STAG1: variants seen among roughly 807,000 people sequenced by gnomAD.
STAG1 encodes STAG1 cohesin complex component, also known as cohesin subunit SA-1.
STAG1 carries 26 observed loss-of-function variants against 170.9 expected under a neutral mutation model. That is an observed-to-expected ratio of 0.15 (90% CI 0.11 to 0.21). The LOEUF (loss-of-function observed/expected upper bound fraction) is 0.21, where lower values mean the gene tolerates loss of function less well. Ranked by LOEUF, STAG1 falls within the 10% of genes least tolerant of loss-of-function variation. STAG1 has a pLI of 1.00. For missense variants in STAG1, 964 were observed against 1,509.5 expected (o/e 0.64, Z 5.99); for synonymous variants, 514 against 497.7 (o/e 1.03, Z -0.44).
At chr3:136,709,915 AT>A (rs1330090656) in intron 1 of STAG1, among the ~76,000 whole-genome samples, 1 of 151,982 alleles carries the variant, frequency 6.6e-6, no homozygotes, top group African/African-American at 2.4e-5. Context: ...CACACCTGTA[AT>A]CCCAGCTACT....
intron 1 of STAG1, among the ~76,000 whole-genome samples, chr3:136,667,316 G>A (rs1941818660): frequency 6.6e-6 from 1 of 152,114 alleles, no homozygotes; most frequent in African/African-American, 2.4e-5. Context: ...GGGTGGCAGA[G>A]GCAGGAGGAT....
At chr3:136,490,014 G>C (rs1409607602) in intron 9 of STAG1, among the ~76,000 whole-genome samples, 2 of 152,072 alleles carry the variant, frequency 1.3e-5, no homozygotes, top group Non-Finnish European at 2.9e-5. Context: ...AGGCTTACTA[G>C]AGTTATTTAA....
At chr3:136,703,106 T>C (rs942414754) in intron 1 of STAG1, among the ~76,000 whole-genome samples, 33 of 145,436 alleles carry the variant, frequency 2.3e-4, no homozygotes, top group South Asian at 4.4e-4. Flanking sequence ...TGAGGTGACA[T>C]CATGGAAGAT....
chr3:136,501,340 T>TAGTA (rs1316865886), intron 8 of STAG1, among the ~76,000 whole-genome samples: 1 of 152,230 alleles, frequency 6.6e-6, no homozygotes, highest in African/African-American at 2.4e-5. Flanking sequence ...TTCTAACCCC[T>TAGTA]AGTACCTCAG....
chr3:136,516,555 C>T (rs553617696), intron 7 of STAG1, among the ~76,000 whole-genome samples: 28 of 151,892 alleles, frequency 1.8e-4, no homozygotes, highest in African/African-American at 6.0e-4. Context: ...GCATGCTGTT[C>T]GTTTTCTTAA....
chr3:136,340,687 C>G, intron 31 of STAG1, 82 bp from the exon 32 acceptor site: 5 of 873,848 alleles, frequency 5.7e-6, no homozygotes, highest in Non-Finnish European at 1.9e-6. Flanking sequence ...TAAAGTTATT[C>G]TAACCAAGTG....
At chr3:136,451,251 T>A (rs186531486) in intron 14 of STAG1, among the ~76,000 whole-genome samples, 81 of 152,070 alleles carry the variant, frequency 5.3e-4, no homozygotes, top group African/African-American at 1.8e-3. Context: ...AAGTGTTAAT[T>A]ACAAAATTGT....
chr3:136,692,830 C>T (rs1176496579), intron 1 of STAG1, among the ~76,000 whole-genome samples: 1 of 152,080 alleles, frequency 6.6e-6, no homozygotes, highest in African/African-American at 2.4e-5. Context: ...ACTTGTAAGG[C>T]AGATTGGCTC....
chr3:136,604,204 A>C (rs1396623835), intron 4 of STAG1, 105 bp downstream of exon 4: 1 of 1,023,158 alleles, frequency 9.8e-7, no homozygotes, highest in Non-Finnish European at 1.4e-6. Flanking sequence ...AAGGTTGCTT[A>C]CATAATCAAC....
rs534901460 is a variant in STAG1, at chr3:136,494,469, G to A, written c.902+5754C>T. 3.3e-5 allele frequency among the ~76,000 whole-genome samples: 5 copies of A among 152,216 alleles called. No homozygotes were observed. In the South Asian group the frequency reaches 6.2e-4, roughly 19 times the overall value. ...CAGAGCAGGAAGAATAGTTCCCAGTGTATTCTATAAGGCTAGTATTGACAC... is the reference window on the plus strand; with the variant it reads ...CAGAGCAGGAAGAATAGTTCCCAGTATATTCTATAAGGCTAGTATTGACAC... On this transcript the variant is annotated intron_variant, in intron 9 of 33. Transcript: ENST00000383202.
chr3:136,470,838 A>G (rs1422189623), intron 12 of STAG1, among the ~76,000 whole-genome samples: 1 of 152,152 alleles, frequency 6.6e-6, no homozygotes, highest in Non-Finnish European at 1.5e-5. Context: ...TTGTAGGGAC[A>G]TGGATGAAGC....
At chr3:136,540,986 C>A (rs182806886) in intron 6 of STAG1, among the ~76,000 whole-genome samples, 3 of 151,736 alleles carry the variant, frequency 2.0e-5, no homozygotes, top group African/African-American at 4.8e-5. Context: ...CATTTTCATA[C>A]GTGAAGAGTT....
At chr3:136,698,248 CTG>C (rs1251550962) in intron 1 of STAG1, among the ~76,000 whole-genome samples, 1 of 152,080 alleles carries the variant, frequency 6.6e-6, no homozygotes, top group African/African-American at 2.4e-5. Context: ...TATTCACAAA[CTG>C]TGTGTCTGAC....
At chr3:136,608,003 T>A (rs1939048493) in intron 3 of STAG1, among the ~76,000 whole-genome samples, 2 of 152,096 alleles carry the variant, frequency 1.3e-5, no homozygotes, top group South Asian at 2.1e-4. Context: ...ACGCCTGTAA[T>A]CCCAGCACCT....
At chr3:136,456,614 C>T (rs2089119489) in intron 13 of STAG1, among the ~76,000 whole-genome samples, 1 of 152,070 alleles carries the variant, frequency 6.6e-6, no homozygotes. Flanking sequence ...CTGAAAATTC[C>T]CCAAATCTGG....
chr3:136,746,778 A>AC (rs1934954340), intron 1 of STAG1, among the ~76,000 whole-genome samples: 2 of 151,914 alleles, frequency 1.3e-5, no homozygotes, highest in African/African-American at 4.8e-5. Context: ...AGGTGCTGAA[A>AC]CCCCGTCTCT....
intron 5 of STAG1, among the ~76,000 whole-genome samples, chr3:136,547,673 C>T (rs2107733794): frequency 6.6e-6 from 1 of 152,288 alleles, no homozygotes; most frequent in East Asian, 1.9e-4. Flanking sequence ...GCAGAATTTT[C>T]TTCCTTTTTA....
intron 5 of STAG1, among the ~76,000 whole-genome samples, chr3:136,548,462 G>A (rs1329028561): frequency 6.6e-6 from 1 of 152,090 alleles, no homozygotes; most frequent in African/African-American, 2.4e-5. Flanking sequence ...GTTTGGAAGT[G>A]TGGTGCTTCC....
Position 136,357,447 on chromosome 3 carries a change from G to A in STAG1, c.3065+273C>T, listed in dbSNP as rs183029509. Among the ~76,000 whole-genome samples the A allele has an allele frequency of 3.9e-5, 6 of 152,216 alleles. No individual in the cohort carries two copies. The East Asian group carries it at 9.7e-4, about 24-fold the overall frequency. ...AGGAAAGAAGGAAGAGTTACACAAT[G>A]GCTAAACCAGTGTTTATACATCTTT... On this transcript the variant is annotated intron_variant, in intron 28 of 33. Coordinates refer to ENST00000383202, the MANE Select transcript of STAG1 (RefSeq NM_005862.3).
Sources: allele counts gnomAD v4.1 joint callset (sites outside exome capture counted in the v4.1 genomes callset), GRCh38; gene constraint gnomAD v4.1.1; transcripts MANE v1.5; gene names NCBI Gene and HGNC (gene_info 2026-07-23, HGNC 2026-07-21).